L3MBTL4: variants seen among roughly 807,000 people sequenced by gnomAD.
The protein encoded by L3MBTL4 is L3MBTL histone methyl-lysine binding protein 4.
Under a neutral mutation model 84.5 loss-of-function variants are expected in L3MBTL4, and 70 were observed. The ratio of observed to expected loss-of-function variants is 0.83; its 90% CI spans 0.68 to 1.01. The LOEUF is 1.01. Among genes scored for constraint, L3MBTL4 ranks in the 50% least tolerant of loss-of-function variants. The pLI, the probability that L3MBTL4 is intolerant of heterozygous loss-of-function variation, is 0.00. For missense variants in L3MBTL4, 715 were observed against 754.8 expected (o/e 0.95, Z 0.62); for synonymous variants, 274 against 259.8 (o/e 1.05, Z -0.52).
rs568644656 is a variant in L3MBTL4, at chr18:6,089,772, G to A, written c.1373+3583C>T. 2.0e-5 allele frequency among the ~76,000 whole-genome samples: 3 copies of A among 152,264 alleles called. No homozygotes were observed. In the East Asian group the frequency reaches 5.8e-4, roughly 29 times the overall value. ...CATAACGCTTTGCAGCCCCAAGTAAGTATGTGCTATTAATAGTAGATAGTT... is the reference window on the plus strand; with the variant it reads ...CATAACGCTTTGCAGCCCCAAGTAAATATGTGCTATTAATAGTAGATAGTT... On this transcript the variant is annotated intron_variant, in intron 15 of 18. Coordinates refer to ENST00000317931, the MANE Select transcript of L3MBTL4 (RefSeq NM_001330559.2).
intron 15 of L3MBTL4, among the ~76,000 whole-genome samples, chr18:6,088,815 A>C (rs2058344204): frequency 6.6e-6 from 1 of 152,198 alleles, no homozygotes; most frequent in Admixed American, 6.5e-5. Flanking sequence ...TTTATCACCA[A>C]GATCATTAAG....
At chr18:6,111,117 T>G (rs2059182824) in intron 14 of L3MBTL4, among the ~76,000 whole-genome samples, 1 of 151,734 alleles carries the variant, frequency 6.6e-6, no homozygotes, top group Non-Finnish European at 1.5e-5. Context: ...AAGAGAAGGA[T>G]CAGAAAAAGA....
chr18:6,222,227 C>T lies in L3MBTL4; in HGVS notation c.785-6392G>A, dbSNP rs377588559. ...AGACTCTCTAACATTTACAGCAGTACGTCAGATTTTTTACTTGATCATTAA... is the reference window on the plus strand; with the variant it reads ...AGACTCTCTAACATTTACAGCAGTATGTCAGATTTTTTACTTGATCATTAA... On this transcript the variant is annotated intron_variant, in intron 10 of 18. Coordinates refer to ENST00000317931, the MANE Select transcript of L3MBTL4 (RefSeq NM_001330559.2). Among the ~76,000 whole-genome samples the T allele has an allele frequency of 1.4e-4, 21 of 152,270 alleles. No homozygotes were observed. The East Asian group carries it at 2.5e-3, about 18-fold the overall frequency.
In L3MBTL4 at chr18:5,956,181, G is replaced by A. The variant is rs894136945; in HGVS notation, c.*39C>T. ...GTGCTCCACTTTTATTGCTGAAAGAGCGCAGGTCTTGGTGCCAGAGGAAGT... is the reference window on the plus strand; with the variant it reads ...GTGCTCCACTTTTATTGCTGAAAGAACGCAGGTCTTGGTGCCAGAGGAAGT... On this transcript the variant is annotated 3_prime_UTR_variant, in exon 19 of 19. Transcript: ENST00000317931. The A allele has an allele frequency of 3.8e-6, 6 of 1,563,650 alleles. No homozygotes were observed. The highest frequency in any genetic ancestry group is 5.3e-6 in the Non-Finnish European group (6 of 1,141,406).
Position 6,239,708 on chromosome 18 carries a change from CAT to C in L3MBTL4, c.707+8_707+9del, listed in dbSNP as rs2047372745. 1 of 1,611,404 alleles carries C rather than the reference CAT, an allele frequency of 6.2e-7. No individual in the cohort carries two copies. On this transcript the variant is annotated splice_region_variant and intron_variant, in intron 9 of 18. Coordinates refer to ENST00000317931, the MANE Select transcript of L3MBTL4 (RefSeq NM_001330559.2). Reference sequence around the variant, plus strand: ...AATACACAAAAATAAAACACACATTCATATCTCACCAGTAATCGTAACTATCA... The same window carrying C: ...AATACACAAAAATAAAACACACATTCATCTCACCAGTAATCGTAACTATCA...
At chr18:5,998,219 T>C (rs1481994582) in intron 16 of L3MBTL4, among the ~76,000 whole-genome samples, 6 of 152,070 alleles carry the variant, frequency 3.9e-5, no homozygotes, top group Non-Finnish European at 1.5e-5. Context: ...TACTGTCAAA[T>C]GAAAGGCAAG....
At chr18:6,189,630 A>G (rs1261808955) in intron 12 of L3MBTL4, among the ~76,000 whole-genome samples, 1 of 152,134 alleles carries the variant, frequency 6.6e-6, no homozygotes, top group Non-Finnish European at 1.5e-5. Flanking sequence ...ATAAATGTAA[A>G]ATTTTTTTAA....
At chr18:6,024,284 T>A (rs188811834) in intron 16 of L3MBTL4, among the ~76,000 whole-genome samples, 1 of 152,324 alleles carries the variant, frequency 6.6e-6, no homozygotes, top group Non-Finnish European at 1.5e-5. Context: ...TGAGAGCATA[T>A]CCATGCATGT....
intron 18 of L3MBTL4, 87 bp downstream of exon 18, chr18:5,960,003 AATAC>A (rs2095254325): frequency 4.9e-6 from 1 of 202,528 alleles, no homozygotes; most frequent in African/African-American, 3.9e-5. Flanking sequence ...GAAGTATAGA[AATAC>A]ATACATATAT....
At chr18:6,191,999 C>A (rs1399830528) in intron 12 of L3MBTL4, among the ~76,000 whole-genome samples, 19 of 148,032 alleles carry the variant, frequency 1.3e-4, no homozygotes, top group Admixed American at 6.0e-4. Context: ...CCCCTCCTCC[C>A]CCCCCTCAAA....
Position 6,410,652 on chromosome 18 carries a change from TTC to T in L3MBTL4, c.-91+4147_-91+4148del, listed in dbSNP as rs559984748. 1.3e-3 allele frequency among the ~76,000 whole-genome samples: 196 copies of T among 152,366 alleles called. 1 individual carries two copies. Among genetic ancestry groups the T allele is most frequent in the Non-Finnish European group, 2.5e-3 (170 of 68,032 alleles). On this transcript the variant is annotated intron_variant, in intron 1 of 18. Coordinates refer to ENST00000317931, the MANE Select transcript of L3MBTL4 (RefSeq NM_001330559.2). ...CTATCTGTCCCTCTAGTTAAACACA[TTC>T]TCTCTGGCTAGTTACAGTGAAAAGA...
chr18:6,311,475 A>G (rs1202359273), intron 3 of L3MBTL4, 79 bp downstream of exon 3: 9 of 1,190,578 alleles, frequency 7.6e-6, no homozygotes, highest in Non-Finnish European at 1.1e-5. Context: ...GAGTGTGGTT[A>G]TGTGAACTCT....
intron 16 of L3MBTL4, among the ~76,000 whole-genome samples, chr18:6,079,781 A>T (rs2058006415): frequency 6.6e-6 from 1 of 152,228 alleles, no homozygotes; most frequent in Admixed American, 6.5e-5. Flanking sequence ...AAGATGGATG[A>T]GAACATTTGT....
intron 14 of L3MBTL4, among the ~76,000 whole-genome samples, chr18:6,117,062 C>A (rs1000308864): frequency 6.6e-6 from 1 of 152,198 alleles, no homozygotes; most frequent in Non-Finnish European, 1.5e-5. Flanking sequence ...GTGAGATCCA[C>A]GCATATTGTT....
intron 16 of L3MBTL4, 71 bp downstream of exon 16, chr18:6,080,810 C>T (rs1022429449): frequency 1.8e-6 from 2 of 1,131,908 alleles, no homozygotes; most frequent in Admixed American, 2.2e-5. Flanking sequence ...TAAAACCAAA[C>T]AGTCAAACAA....
At chr18:6,082,860 T>A (rs191874533) in intron 15 of L3MBTL4, among the ~76,000 whole-genome samples, 2 of 152,332 alleles carry the variant, frequency 1.3e-5, no homozygotes, top group East Asian at 3.9e-4. Flanking sequence ...AGCCAAATCC[T>A]GTGAGTAGTT....
At chr18:6,273,951 AC>A (rs1397017917) in intron 4 of L3MBTL4, among the ~76,000 whole-genome samples, 3 of 152,234 alleles carry the variant, frequency 2.0e-5, no homozygotes, top group Non-Finnish European at 4.4e-5. Flanking sequence ...AAATGTGGGG[AC>A]CACACCTCAG....
chr18:6,077,385 ATTG>A (rs1217145361), intron 16 of L3MBTL4, among the ~76,000 whole-genome samples: 1 of 152,078 alleles, frequency 6.6e-6, no homozygotes, highest in Non-Finnish European at 1.5e-5. Context: ...ATGTTTATAT[ATTG>A]TTGTTGTTAT....
intron 1 of L3MBTL4, among the ~76,000 whole-genome samples, chr18:6,384,355 T>C (rs1262026662): frequency 2.0e-5 from 3 of 152,178 alleles, no homozygotes; most frequent in African/African-American, 7.2e-5. Flanking sequence ...TACATATATC[T>C]GTAGTCACAT....
Sources: gnomAD v4.1 joint callset for allele counts (sites outside exome capture counted in the v4.1 genomes callset) on GRCh38, gnomAD v4.1.1 for gene constraint, MANE v1.5 for transcripts, NCBI Gene and HGNC (gene_info 2026-07-23, HGNC 2026-07-21) for gene names.